DOT1L: variants seen among roughly 807,000 people sequenced by gnomAD.
The protein encoded by DOT1L is histone-lysine N-methyltransferase, H3 lysine-79 specific.
DOT1L carries 33 observed loss-of-function variants against 153.3 expected under a neutral mutation model. The observed-to-expected ratio is 0.22, with a 90% CI of 0.16 to 0.29. The LOEUF (loss-of-function observed/expected upper bound fraction) is 0.29. Among genes scored for constraint, DOT1L ranks in the 10% least tolerant of loss-of-function variants. The pLI is 1.00. For synonymous variants in DOT1L, 1,135 were observed against 965.1 expected, an observed-to-expected ratio of 1.18 and a Z score of -3.26; for missense variants, 1,847 against 2,119.9, an observed-to-expected ratio of 0.87 and a Z score of 2.53.
At chr19:2,227,822 A>G in intron 27 of DOT1L, 3 of 1,298,446 alleles carry the variant, frequency 2.3e-6, no homozygotes, top group South Asian at 1.2e-5. Context: ...GCAGCGCCAC[A>G]CTGGGCCCGA....
intron 3 of DOT1L, 116 bp from the exon 4 acceptor site, chr19:2,189,613 CTGG>C: frequency 9.0e-7 from 1 of 1,108,284 alleles, no homozygotes; most frequent in East Asian, 2.6e-5. Context: ...GGCCAGCTGG[CTGG>C]TGGCTGTCCA....
chr19:2,165,855 G>T (rs149338289), intron 1 of DOT1L, among the ~76,000 whole-genome samples: 5,967 of 150,374 alleles, frequency 0.04, 390 homozygotes, highest in African/African-American at 0.14. Context: ...TGCAAGCTCC[G>T]CCTCCCGGGT....
intron 1 of DOT1L, chr19:2,164,489 GCGC>G (rs2019832195): frequency 3.1e-6 from 1 of 321,110 alleles, no homozygotes; most frequent in African/African-American, 2.2e-5. Context: ...GCGGGAGCCG[GCGC>G]CCCCGAGCCC....
intron 25 of DOT1L, among the ~76,000 whole-genome samples, chr19:2,224,177 C>T (rs985411506): frequency 2.9e-4 from 44 of 152,204 alleles, no homozygotes; most frequent in African/African-American, 9.9e-4. Context: ...ATCCGCCCTC[C>T]GTGCTAGGCT....
chr19:2,184,051 G>A (rs979011419), intron 2 of DOT1L, among the ~76,000 whole-genome samples: 1 of 152,316 alleles, frequency 6.6e-6, no homozygotes, highest in Admixed American at 6.5e-5. Context: ...TCCTCAGCAC[G>A]CTCTGTGGCG....
At chr19:2,205,830 A>T (rs2023469507) in intron 9 of DOT1L, among the ~76,000 whole-genome samples, 1 of 151,752 alleles carries the variant, frequency 6.6e-6, no homozygotes, top group Non-Finnish European at 1.5e-5. Flanking sequence ...AGTAGCTGGG[A>T]TCACAGGCAT....
In DOT1L at chr19:2,226,778, C is replaced by T. The variant is rs1217226003; in HGVS notation, c.4257C>T (p.Asp1419=). 7.0e-6 allele frequency: 11 copies of T among 1,574,760 alleles called. 1 individual carries two copies. Among genetic ancestry groups the T allele is most frequent in the Admixed American group, 1.9e-5 (1 of 53,770 alleles). The change falls in exon 27 of 28, where the codon GAC becomes GAT. Residue 1419 remains aspartate (D), a synonymous_variant. Coordinates refer to ENST00000398665, the MANE Select transcript of DOT1L (RefSeq NM_032482.3). ...KAAKARDREV[D]LKNGHNLFIS... ...CCAAGGCCCGGGACCGCGAGGTCGA[C>T]CTCAAGAATGGCCACAACCTCTTCA...
chr19:2,163,964 C>T lies in DOT1L; in HGVS notation c.-221C>T, dbSNP rs530965740. ...CTCGCTTCACGCCGGCCCAAGATGG[C>T]GGAGGCGCTGGAGGCCCCGGGCCTG... On this transcript the variant is annotated 5_prime_UTR_variant, in exon 1 of 28. Coordinates refer to ENST00000398665, the MANE Select transcript of DOT1L (RefSeq NM_032482.3). 6.7e-6 allele frequency among the ~76,000 whole-genome samples: 1 copy of T among 149,716 alleles called. No individual in the cohort carries two copies. The highest frequency in any genetic ancestry group is 1.5e-5 in the Non-Finnish European group (1 of 66,940).
At chr19:2,176,157 TCACCG>T (rs1258866254) in intron 1 of DOT1L, among the ~76,000 whole-genome samples, 1 of 152,162 alleles carries the variant, frequency 6.6e-6, no homozygotes, top group Non-Finnish European at 1.5e-5. Context: ...AGAGGGAATG[TCACCG>T]CTTGGCCTTT....
intron 26 of DOT1L, among the ~76,000 whole-genome samples, chr19:2,225,820 C>G (rs1237452252): frequency 6.6e-6 from 1 of 152,174 alleles, no homozygotes; most frequent in African/African-American, 2.4e-5. Context: ...CTGACCTGCT[C>G]TGGGGCAGCC....
At chr19:2,202,810 G>C in intron 9 of DOT1L, 31 bp downstream of exon 9, 1 of 1,613,106 alleles carries the variant, frequency 6.2e-7, no homozygotes. Context: ...GTCTGTGCTG[G>C]TGTGACATGA....
At chr19:2,184,349 C>T (rs2022394127) in intron 2 of DOT1L, among the ~76,000 whole-genome samples, 1 of 152,164 alleles carries the variant, frequency 6.6e-6, no homozygotes, top group Admixed American at 6.5e-5. Context: ...GCGGATGCCA[C>T]AGCCCTTCTG....
intron 8 of DOT1L, 43 bp from the exon 9 acceptor site, chr19:2,202,657 G>C: frequency 6.3e-7 from 1 of 1,595,066 alleles, no homozygotes; most frequent in Non-Finnish European, 8.6e-7. Flanking sequence ...CTGTGCCCGT[G>C]AGACGAGCCT....
At chr19:2,202,910 T>TC in intron 9 of DOT1L, 131 bp downstream of exon 9, 1 of 800,132 alleles carries the variant, frequency 1.2e-6, no homozygotes, top group Non-Finnish European at 2.1e-6. Context: ...AGCCAGGTGG[T>TC]CTTCCTTTAT....
chr19:2,210,748 A>G lies in DOT1L; in HGVS notation c.1244A>G (p.Lys415Arg). ...GCTGGCCGCAAGCGCGGGCGCCCCA[A>G]GAAGATGAACACTGCGAACCCCGAG... is the stretch of plus-strand genomic sequence containing the variant. ...KMAGRKRGRP[K>R]KMNTANPERK... is the part of the protein sequence containing the mutation. The change falls in exon 14 of 28, where the codon AAG becomes AGG. Residue 415 changes from lysine to arginine, a missense_variant. By Grantham distance (26) the Lys-to-Arg change is conservative. This residue lies in a region of DOT1L where 205 missense variants were observed against 203.1 expected (regional missense o/e 1.01). Transcript: ENST00000398665. 1.2e-6 allele frequency: 2 copies of G among 1,613,178 alleles called. No homozygotes were observed. Among genetic ancestry groups the G allele is most frequent in the Non-Finnish European group, 1.7e-6 (2 of 1,180,006 alleles).
chr19:2,182,249 T>TA (rs1435692230), intron 2 of DOT1L, among the ~76,000 whole-genome samples: 1 of 151,070 alleles, frequency 6.6e-6, no homozygotes, highest in Non-Finnish European at 1.5e-5. Flanking sequence ...AATAAATAAA[T>TA]AAATAATGCT....
At chr19:2,165,172 G>A (rs1261168515) in intron 1 of DOT1L, among the ~76,000 whole-genome samples, 1 of 152,212 alleles carries the variant, frequency 6.6e-6, no homozygotes, top group Non-Finnish European at 1.5e-5. Context: ...GGCAGGGCGC[G>A]TTTTCGGGGA....
rs2022767858 is a variant in DOT1L, at chr19:2,190,943, G to A, written c.265-69G>A. On this transcript the variant is annotated intron_variant, in intron 4 of 27. Transcript: ENST00000398665. This position sits in a 1 kb window ranked among gnomAD's most constrained non-coding sequence, Gnocchi z 4.8. ...CCCTGCTTCCGCTGGGAAAGGTCCCGGGTCTTGGTGGTGGAGGGGCTGGGC... is the reference window on the plus strand; with the variant it reads ...CCCTGCTTCCGCTGGGAAAGGTCCCAGGTCTTGGTGGTGGAGGGGCTGGGC... 1.3e-5 allele frequency: 19 copies of A among 1,410,312 alleles called. 1 individual carries two copies. The highest frequency in any genetic ancestry group is 7.6e-5 in the East Asian group (3 of 39,518). 87.4% of individuals were successfully genotyped at this position (1,410,312 alleles called of 1,614,324 possible).
chr19:2,172,507 C>T (rs1220972128), intron 1 of DOT1L, among the ~76,000 whole-genome samples: 2 of 140,068 alleles, frequency 1.4e-5, no homozygotes, highest in African/African-American at 2.6e-5. Context: ...TTCTTTCTTT[C>T]TTTTTTTTTT....
Sources: gnomAD v4.1 joint callset for allele counts (sites outside exome capture counted in the v4.1 genomes callset) on GRCh38, gnomAD v4.1.1 for gene constraint, gnomAD v4.1.1 regional missense constraint, Gnocchi (gnomAD v3.1) non-coding constraint, MANE v1.5 for transcripts, NCBI Gene and HGNC (gene_info 2026-07-23, HGNC 2026-07-21) for gene names.